The following IL1RL1 variants were observed in gnomAD, a reference collection of about 807,000 sequenced individuals.
The protein encoded by IL1RL1 is interleukin-1 receptor-like 1.
In IL1RL1, 32 loss-of-function variants were observed where a neutral mutation model predicts 50.9. The ratio of observed to expected loss-of-function variants is 0.63; its 90% CI spans 0.47 to 0.84. The LOEUF is 0.84. IL1RL1 is among the 40% of genes least tolerant of loss of function. IL1RL1 has a pLI of 0.00. For missense variants in IL1RL1, 773 were observed against 662.9 expected, an observed-to-expected ratio of 1.17 and a Z score of -1.82; for synonymous variants, 275 against 236.0, an observed-to-expected ratio of 1.17 and a Z score of -1.51.
intron 1 of IL1RL1, chr2:102,312,825 C>G (rs1676556973): frequency 6.6e-6 from 1 of 152,074 alleles, no homozygotes; most frequent in African/African-American, 2.4e-5. Context: ...GCTACTTCAA[C>G]AGAGGGTGCA....
At chr2:102,348,927 G>A (rs889625519) in intron 9 of IL1RL1, 152 bp from the exon 10 acceptor site, 13 of 606,106 alleles carry the variant, frequency 2.1e-5, no homozygotes, top group Non-Finnish European at 3.8e-5. Context: ...TGTGGCAGTG[G>A]TTTGACGTCA....
chr2:102,342,080 TGTG>T, intron 5 of IL1RL1, 140 bp from the exon 6 acceptor site: 1 of 555,808 alleles, frequency 1.8e-6, no homozygotes, highest in Non-Finnish European at 3.2e-6. Flanking sequence ...TGTGTGTGTG[TGTG>T]TGTGTTTGTC....
intron 10 of IL1RL1, among the ~76,000 whole-genome samples, chr2:102,351,139 T>G (rs1339318256): frequency 2.6e-5 from 4 of 152,188 alleles, no homozygotes; most frequent in Non-Finnish European, 4.4e-5. Context: ...TTTTAATATG[T>G]GAGTTAAAAT....
intron 1 of IL1RL1, among the ~76,000 whole-genome samples, chr2:102,324,741 G>T (rs1266501505): frequency 6.6e-6 from 1 of 152,186 alleles, no homozygotes; most frequent in Non-Finnish European, 1.5e-5. Context: ...CACCCGTGGA[G>T]CCTCGCTCGT....
intron 1 of IL1RL1, among the ~76,000 whole-genome samples, chr2:102,331,893 C>A (rs1414033904): frequency 6.6e-6 from 1 of 151,832 alleles, no homozygotes; most frequent in Non-Finnish European, 1.5e-5. Flanking sequence ...TATGGTGAAA[C>A]CCCATCTCTA....
chr2:102,313,260 C>T (rs1559592747), intron 1 of IL1RL1: 1 of 152,132 alleles, frequency 6.6e-6, no homozygotes, highest in Non-Finnish European at 1.5e-5. Context: ...CATTACTCAG[C>T]CAGCAGTCAA....
rs202156095 is a variant in IL1RL1, at chr2:102,311,891, A to AATATATATTATATAATATAATATATAAT, written c.-150+274_-150+275insATTATATAATATAATATATAATATATAT. 1.7e-4 allele frequency among the ~76,000 whole-genome samples: 6 copies of AATATATATTATATAATATAATATATAAT among 35,200 alleles called. No homozygotes were observed. The South Asian group carries it at 1.8e-3, about 11-fold the overall frequency. 23.1% of individuals were successfully genotyped at this position (35,200 alleles called of 152,430 possible). The stretch of plus-strand genomic sequence containing the variant: ...ATATATATTATATAATATAATATAT[A>AATATATATTATATAATATAATATATAAT]ATATATCATATATGTTATATATTTT... On this transcript the variant is annotated intron_variant, in intron 1 of 10. Coordinates refer to ENST00000233954, the MANE Select transcript of IL1RL1 (RefSeq NM_016232.5).
intron 8 of IL1RL1, chr2:102,346,063 C>A: frequency 1.0e-6 from 1 of 972,724 alleles, no homozygotes; most frequent in Non-Finnish European, 1.2e-6. Context: ...TCTGTTTCAG[C>A]AACTGTATAA....
At chr2:102,347,790 T>C (rs1374116695) in intron 8 of IL1RL1, among the ~76,000 whole-genome samples, 155 bp from the exon 9 acceptor site, 2 of 152,220 alleles carry the variant, frequency 1.3e-5, no homozygotes, top group African/African-American at 4.8e-5. Flanking sequence ...GCTCAATAAA[T>C]GTGACTGTCC....
chr2:102,341,374 TA>T, intron 5 of IL1RL1: 6 of 1,153,718 alleles, frequency 5.2e-6, no homozygotes, highest in Non-Finnish European at 6.6e-6. Context: ...CACTTCATTC[TA>T]AAAATGTGTT....
Position 102,337,929 on chromosome 2 carries a change from G to A in IL1RL1, c.-149-187G>A, listed in dbSNP as rs982380833. Among the ~76,000 whole-genome samples the A allele has an allele frequency of 2.6e-5, 4 of 152,218 alleles. No homozygotes were observed. The South Asian group carries it at 8.3e-4, about 32-fold the overall frequency. ...AACTGTGAAATAGCATGATCATTGT[G>A]AAAGCTATATGACCCAAAACTTCCA... is the stretch of plus-strand genomic sequence containing the variant. On this transcript the variant is annotated intron_variant, in intron 1 of 10. Coordinates refer to ENST00000233954, the MANE Select transcript of IL1RL1 (RefSeq NM_016232.5).
rs1677943345 is a variant in IL1RL1, at chr2:102,351,770, A to G, written c.1520A>G (p.Gln507Arg). 1.2e-6 allele frequency: 2 copies of G among 1,614,000 alleles called. No individual in the cohort carries two copies. Among genetic ancestry groups the G allele is most frequent in the South Asian group, 2.2e-5 (2 of 91,088 alleles). The change falls in exon 11 of 11, where the codon CAG becomes CGG. Residue 507 changes from glutamine (Q) to arginine (R), a missense_variant. By Grantham distance (43) the Gln-to-Arg change is conservative. Transcript: ENST00000233954. ...TCCCTCCAGCATCTTATGAAAGTAC[A>G]GGGGACCATCAAGTGGAGGGAGGAC... Reference protein sequence around the residue: ...QDSLQHLMKVQGTIKWREDHI... With the variant: ...QDSLQHLMKVRGTIKWREDHI...
chr2:102,333,388 G>A (rs115278342), intron 1 of IL1RL1, among the ~76,000 whole-genome samples: 53 of 152,244 alleles, frequency 3.5e-4, no homozygotes, highest in Non-Finnish European at 5.3e-4. Flanking sequence ...AGGAAGAGAA[G>A]AGTCAATAAT....
rs146214043 is a variant in IL1RL1 at position 102,340,370 on chromosome 2, T to C, written c.447+98T>C. 2,916 of 1,064,340 alleles carry C rather than the reference T, an allele frequency of 2.7e-3. 18 individuals carry two copies. Among genetic ancestry groups the C allele is most frequent in the East Asian group, 0.027 (1,010 of 37,210 alleles). 65.9% of individuals were successfully genotyped at this position (1,064,340 alleles called of 1,614,324 possible). ...GCTCATGCCTGTAATCCTAGCACTT[T>C]GGGAGGCCAAGGCAGGCAGATCACT... is the stretch of plus-strand genomic sequence containing the variant. On this transcript the variant is annotated intron_variant, in intron 4 of 10. Transcript: ENST00000233954.
In IL1RL1 at chr2:102,351,714, G is replaced by C; in HGVS notation, c.1464G>C (p.Leu488=). 6.2e-7 allele frequency: 1 copy of C among 1,614,064 alleles called. No individual in the cohort carries two copies. The highest frequency in any genetic ancestry group is 8.5e-7 in the Non-Finnish European group (1 of 1,179,986). Reference sequence around the variant, plus strand: ...TTGAGATGGAGGCTCTGAGCGAGCTGGACATGCTGCAGGCTGAGGCGCTTC... The same window carrying C: ...TTGAGATGGAGGCTCTGAGCGAGCTCGACATGCTGCAGGCTGAGGCGCTTC... ...ILIEMEALSE[L]DMLQAEALQD... Residue 488 remains leucine, a synonymous_variant, in exon 11 of 11, where the codon CTG becomes CTC. Coordinates refer to ENST00000233954, the MANE Select transcript of IL1RL1 (RefSeq NM_016232.5).
chr2:102,324,346 G>A (rs984834073), intron 1 of IL1RL1, among the ~76,000 whole-genome samples: 3 of 152,112 alleles, frequency 2.0e-5, no homozygotes, highest in South Asian at 2.1e-4. Context: ...TTTTTTATTA[G>A]CTATGAAATA....
chr2:102,314,197 T>C (rs10191914), intron 1 of IL1RL1, among the ~76,000 whole-genome samples: 72,679 of 151,994 alleles, frequency 0.48, 17,675 homozygotes, highest in Middle Eastern at 0.63. Flanking sequence ...TGCCAGACCC[T>C]GAGACAAGCA....
intron 1 of IL1RL1, among the ~76,000 whole-genome samples, chr2:102,326,958 T>C (rs952857357): frequency 6.6e-6 from 1 of 152,104 alleles, no homozygotes; most frequent in Non-Finnish European, 1.5e-5. Flanking sequence ...GACAGAAAGT[T>C]AACAAGGATA....
chr2:102,328,486 C>T (rs1465871343), intron 1 of IL1RL1, among the ~76,000 whole-genome samples: 1 of 151,686 alleles, frequency 6.6e-6, no homozygotes, highest in East Asian at 1.9e-4. Context: ...ATTCAACATA[C>T]TGTTGGAAGT....
Sources: allele counts gnomAD v4.1 joint callset (sites outside exome capture counted in the v4.1 genomes callset), GRCh38; gene constraint gnomAD v4.1.1; transcripts MANE v1.5; gene names NCBI Gene and HGNC (gene_info 2026-07-23, HGNC 2026-07-21).